The following DDX31 variants were observed in gnomAD, a reference collection of about 807,000 sequenced individuals.
DDX31 encodes the protein ATP-dependent DNA helicase DDX31.
A neutral mutation model predicts 91.3 loss-of-function variants in DDX31; 70 were observed. That is an observed-to-expected ratio of 0.77 (90% CI 0.63 to 0.94). The LOEUF (loss-of-function observed/expected upper bound fraction) is 0.94. DDX31 is among the 40% of genes least tolerant of loss of function. The pLI is 0.00. For missense variants in DDX31, 902 were observed against 925.0 expected (o/e 0.98, Z 0.32); for synonymous variants, 362 against 350.6 (o/e 1.03, Z -0.36).
chr9:132,634,999 C>T (rs1442744201), intron 14 of DDX31, among the ~76,000 whole-genome samples: 1 of 152,100 alleles, frequency 6.6e-6, no homozygotes, highest in Non-Finnish European at 1.5e-5. Context: ...CTTAGTTTTT[C>T]GATGTCTGTC....
chr9:132,638,008 G>C (rs1833234232), intron 14 of DDX31: 39 of 1,130,564 alleles, frequency 3.4e-5, no homozygotes, highest in Non-Finnish European at 4.3e-5. Context: ...AGAACAGTAT[G>C]CTTCAAGCGG....
chr9:132,644,838 T>C (rs1833722144), intron 13 of DDX31, among the ~76,000 whole-genome samples: 1 of 152,232 alleles, frequency 6.6e-6, no homozygotes, highest in African/African-American at 2.4e-5. Context: ...ACCAAGAGTT[T>C]ACCTAATGCG....
chr9:132,658,434 G>T, intron 6 of DDX31: 1 of 695,474 alleles, frequency 1.4e-6, no homozygotes, highest in Non-Finnish European at 2.6e-6. Context: ...CTGACACACG[G>T]GGAGCATCTT....
At chr9:132,621,468 A>G (rs1019276370) in intron 17 of DDX31, among the ~76,000 whole-genome samples, 1 of 152,212 alleles carries the variant, frequency 6.6e-6, no homozygotes, top group Non-Finnish European at 1.5e-5. Flanking sequence ...AATATGAAAT[A>G]TACATTTTAC....
chr9:132,607,054 G>C (rs559987501), intron 19 of DDX31, among the ~76,000 whole-genome samples: 2 of 152,206 alleles, frequency 1.3e-5, no homozygotes, highest in African/African-American at 4.8e-5. Context: ...AAGAAGGGGC[G>C]ACTGGTGTGT....
chr9:132,625,501 G>GAA lies in DDX31; in HGVS notation c.1713+161_1713+162dup, dbSNP rs56990165. Among the ~76,000 whole-genome samples, 1,046 of 140,400 alleles carry GAA rather than the reference G, an allele frequency of 7.5e-3. 50 individuals carry two copies. The highest frequency in any genetic ancestry group is 0.067 in the Admixed American group (945 of 14,166). The allele number at this position is 140,400 out of a possible 152,430, so 92.1% of individuals were successfully genotyped here. On this transcript the variant is annotated intron_variant, in intron 17 of 19. Coordinates refer to ENST00000372159, the MANE Select transcript of DDX31 (RefSeq NM_022779.9). The stretch of plus-strand genomic sequence containing the variant: ...AAACGCATCCAGAAGCAAAGACGAG[G>GAA]AAAAAAAAAAAACAATCAAGATTTG...
chr9:132,661,344 T>C (rs978501645), intron 3 of DDX31, 93 bp from the exon 4 acceptor site: 11 of 1,078,472 alleles, frequency 1.0e-5, no homozygotes, highest in Admixed American at 2.1e-5. Flanking sequence ...TGAGAGAACA[T>C]TGACTACTAT....
intron 14 of DDX31, among the ~76,000 whole-genome samples, chr9:132,641,585 G>C (rs142315734): frequency 2.0e-5 from 3 of 152,354 alleles, no homozygotes; most frequent in Admixed American, 2.0e-4. Flanking sequence ...ACAAATGATA[G>C]TCGGAGACAG....
At chr9:132,602,839 TCTC>T (rs1159396700) in intron 19 of DDX31, among the ~76,000 whole-genome samples, 1 of 152,154 alleles carries the variant, frequency 6.6e-6, no homozygotes, top group Admixed American at 6.5e-5. Context: ...TACCAAAACA[TCTC>T]CTACTTTAAG....
intron 18 of DDX31, among the ~76,000 whole-genome samples, chr9:132,613,472 T>A (rs1831463162): frequency 6.6e-6 from 1 of 152,074 alleles, no homozygotes; most frequent in South Asian, 2.1e-4. Context: ...GTCGGGGGGA[T>A]CACCTGAGGT....
intron 18 of DDX31, among the ~76,000 whole-genome samples, chr9:132,617,983 A>G (rs1221346113): frequency 2.6e-5 from 4 of 152,138 alleles, no homozygotes; most frequent in African/African-American, 7.2e-5. Flanking sequence ...CATCTCTACA[A>G]CTATTTCTAC....
At chr9:132,612,439 A>C in intron 18 of DDX31, 184 bp from the exon 19 acceptor site, 2 of 636,868 alleles carry the variant, frequency 3.1e-6, no homozygotes, top group Non-Finnish European at 2.7e-6. Context: ...TTCCTAAACA[A>C]CAAAAAGAAA....
chr9:132,653,367 G>A (rs867920099), intron 6 of DDX31, among the ~76,000 whole-genome samples: 11 of 151,314 alleles, frequency 7.3e-5, no homozygotes, highest in Admixed American at 1.3e-4. Context: ...GGTGGCGGGC[G>A]CCTGTAATCC....
At chr9:132,651,154 T>C in intron 7 of DDX31, 38 bp from the exon 8 acceptor site, 2 of 1,502,000 alleles carry the variant, frequency 1.3e-6, no homozygotes, top group Non-Finnish European at 1.8e-6. Flanking sequence ...ATGAACAGGA[T>C]CCCCCTTTTT....
At chr9:132,625,581 T>A in intron 17 of DDX31, 83 bp downstream of exon 17, 2 of 938,560 alleles carry the variant, frequency 2.1e-6, no homozygotes, top group South Asian at 1.4e-5. Context: ...ACAGAGGAAG[T>A]AACCCATACA....
intron 18 of DDX31, among the ~76,000 whole-genome samples, chr9:132,613,467 G>A (rs1337032518): frequency 6.6e-6 from 1 of 152,186 alleles, no homozygotes; most frequent in Non-Finnish European, 1.5e-5. Flanking sequence ...GCCAAGTCGG[G>A]GGGATCACCT....
In DDX31 at chr9:132,618,311, A is replaced by G; in HGVS notation, c.1825+19T>C. 10 of 1,601,812 alleles carry G rather than the reference A, an allele frequency of 6.2e-6. No individual in the cohort carries two copies. The highest frequency in any genetic ancestry group is 8.5e-6 in the Non-Finnish European group (10 of 1,173,332). ...CTGCTGGGCTATCCACTGCGCAAGC[A>G]CCTAGGAAATCGACTGACCTTTCTT... is the stretch of plus-strand genomic sequence containing the variant. On this transcript the variant is annotated intron_variant, in intron 18 of 19. Transcript: ENST00000372159.
chr9:132,664,461 C>T (rs762046101), intron 1 of DDX31, among the ~76,000 whole-genome samples: 1 of 152,120 alleles, frequency 6.6e-6, no homozygotes, highest in Admixed American at 6.6e-5. Flanking sequence ...GTAATCCCAG[C>T]ACTTTGTGAG....
rs557821568 is a variant in DDX31, at chr9:132,663,637, A to G, written c.76-942T>C. On this transcript the variant is annotated intron_variant, in intron 1 of 19. Transcript: ENST00000372159. ...TTCTGGAGTTTTGGGTTCTCTCAGA[A>G]TATGTTATTTTCCTCTTTGCTTGAA... is the stretch of plus-strand genomic sequence containing the variant. 27 of 554,248 alleles carry G rather than the reference A, an allele frequency of 4.9e-5. No individual in the cohort carries two copies. In the African/African-American group the frequency reaches 5.3e-4, roughly 11 times the overall value. The allele number at this position is 554,248 out of a possible 1,614,324, so 34.3% of individuals were successfully genotyped here.
Sources: allele counts gnomAD v4.1 joint callset (sites outside exome capture counted in the v4.1 genomes callset), GRCh38; gene constraint gnomAD v4.1.1; transcripts MANE v1.5; gene names NCBI Gene and HGNC (gene_info 2026-07-23, HGNC 2026-07-21).